Variants in HLA-DPA1 observed in about 807,000 individuals in gnomAD.
HLA-DPA1 encodes HLA class II histocompatibility antigen, DP alpha 1 chain.
In HLA-DPA1, 20 loss-of-function variants were observed where a neutral mutation model predicts 21.5. The observed-to-expected ratio is 0.93, with a 90% CI of 0.66 to 1.35. The LOEUF (loss-of-function observed/expected upper bound fraction) is 1.35, where lower values mean the gene tolerates loss of function less well. Ranked by LOEUF, HLA-DPA1 falls within the 40% of genes most tolerant of loss-of-function variation. The probability of loss-of-function intolerance (pLI) is 0.00; values close to 1 mark genes in which losing one functional copy is unlikely to be tolerated. For missense variants in HLA-DPA1, 279 were observed against 323.0 expected, an observed-to-expected ratio of 0.86 and a Z score of 1.05; for synonymous variants, 123 against 129.6, an observed-to-expected ratio of 0.95 and a Z score of 0.35.
chr6:33,073,354 G>C lies in HLA-DPA1; in HGVS notation c.100+117C>G, dbSNP rs1762374805. ...TATTATGAGGGCCAGAGGGAACATAGACTATGAGGACCAGATAGATCAATG... is the reference window on the plus strand; with the variant it reads ...TATTATGAGGGCCAGAGGGAACATACACTATGAGGACCAGATAGATCAATG... On this transcript the variant is annotated intron_variant, in intron 2 of 5. Coordinates refer to ENST00000419277, the Ensembl canonical transcript of HLA-DPA1. 4.7e-5 allele frequency: 33 copies of C among 701,630 alleles called. No homozygotes were observed. The South Asian group carries it at 5.2e-4, about 11-fold the overall frequency. 43.5% of individuals were successfully genotyped at this position (701,630 alleles called of 1,614,324 possible). A position where few individuals can be genotyped will look rare whatever the true frequency, so the allele number is the denominator to read the frequency against.
At chr6:33,068,416 C>A in intron 5 of HLA-DPA1, 1 of 464,786 alleles carries the variant, frequency 2.2e-6, no homozygotes, top group Admixed American at 3.7e-5. Flanking sequence ...AATAATAGTA[C>A]CTACCTCAAA....
At chr6:33,066,977 G>A (rs1450822007) in intron 5 of HLA-DPA1, 2 of 152,224 alleles carry the variant, frequency 1.3e-5, no homozygotes, top group South Asian at 2.1e-4. Context: ...GTTCAGATGA[G>A]TACAGCCATT....
intron 1 of HLA-DPA1, chr6:33,079,914 A>G (rs1397080103): frequency 3.8e-6 from 1 of 261,072 alleles, no homozygotes; most frequent in African/African-American, 2.3e-5. Context: ...CTGCCAAAAA[A>G]AATTACATCA....
intron 1 of HLA-DPA1, among the ~76,000 whole-genome samples, chr6:33,079,110 C>G (rs1762706229): frequency 1.3e-5 from 2 of 152,250 alleles, no homozygotes; most frequent in African/African-American, 4.8e-5. Flanking sequence ...TCTCCACTAT[C>G]CTCTGCCACC....
In HLA-DPA1 at chr6:33,080,294, C is replaced by G. The variant is rs12662112; in HGVS notation, c.-100+386G>C. ...CAGTCAGGGAGTTAAGTAGGGGGAG[C>G]AGCTCCGCCCTCCACGTCCCCAGCT... On this transcript the variant is annotated intron_variant, in intron 1 of 5. Coordinates refer to ENST00000419277, the Ensembl canonical transcript of HLA-DPA1. This position sits in a 1 kb window ranked among gnomAD's most constrained non-coding sequence, Gnocchi z 4.3. 14,261 of 400,356 alleles carry G rather than the reference C, an allele frequency of 0.036. 2,008 individuals are homozygous for G. The East Asian group carries it at 0.48, about 14-fold the overall frequency. The allele number at this position is 400,356 out of a possible 1,614,324, so 24.8% of individuals were successfully genotyped here.
At chr6:33,069,446 C>T (rs1205113997) in intron 3 of HLA-DPA1, 146 bp from the exon 3 acceptor site, 2 of 1,028,928 alleles carry the variant, frequency 1.9e-6, no homozygotes, top group Non-Finnish European at 2.9e-6. Flanking sequence ...CACTGACCAG[C>T]CTCACTCTGC....
At position 33,080,693 on chromosome 6, in the gene HLA-DPA1, G is replaced by T. The variant is rs41540313; in HGVS notation, c.-113C>A. 3.7e-6 allele frequency: 6 copies of T among 1,612,942 alleles called. No individual in the cohort carries two copies. The highest frequency in any genetic ancestry group is 1.3e-5 in the African/African-American group (1 of 75,028). On this transcript the variant is annotated 5_prime_UTR_variant, in exon 1 of 6. Coordinates refer to ENST00000419277, the Ensembl canonical transcript of HLA-DPA1. The surrounding 1 kb of genome is among the most constrained non-coding windows in gnomAD (Gnocchi z 4.3). ...GCAGAGAATTACCTTTTCCAGGGAC[G>T]GCAGGAATGCTACGCGTTTAATGGG...
intron 1 of HLA-DPA1, 175 bp from the exon 1 acceptor site, chr6:33,073,824 A>G: frequency 2.3e-6 from 1 of 442,408 alleles, no homozygotes; most frequent in Middle Eastern, 5.9e-4. Context: ...AGAGAGCTCC[A>G]GTTCACAGTT....
chr6:33,068,078 T>A (rs72870109), intron 5 of HLA-DPA1: 43,957 of 152,016 alleles, frequency 0.29, 8,404 homozygotes, highest in East Asian at 0.69. Flanking sequence ...GTAAGATCTC[T>A]GGAGGGGCAT....
In HLA-DPA1 at chr6:33,075,655, G is replaced by A. The variant is rs1180213569; in HGVS notation, c.-99-1986C>T. 3.6e-3 allele frequency among the ~76,000 whole-genome samples: 543 copies of A among 152,288 alleles called. 3 individuals are homozygous for A. The highest frequency in any genetic ancestry group is 0.026 in the East Asian group (133 of 5,186). ...ACCATGTCCTGTGGGTGTGTGAGGT[G>A]TGGCAGAATTGGGGAAATGATAATC... On this transcript the variant is annotated intron_variant, in intron 1 of 5. Coordinates refer to ENST00000419277, the Ensembl canonical transcript of HLA-DPA1.
intron 1 of HLA-DPA1, among the ~76,000 whole-genome samples, chr6:33,078,047 G>A (rs1378605248): frequency 6.6e-6 from 1 of 152,060 alleles, no homozygotes; most frequent in Non-Finnish European, 1.5e-5. Context: ...TCAGGAGGAA[G>A]TGACGGATGC....
At chr6:33,073,577 G>A (rs1383763117) in exon 2 of HLA-DPA1, 1 of 1,605,086 alleles carries the variant, frequency 6.2e-7, no homozygotes, top group Admixed American at 1.7e-5. Context: ...GCATGTTGTG[G>A]GGTCTATAAT....
At chr6:33,069,199 C>T (rs916743471) in exon 4 of HLA-DPA1, 12 of 1,612,806 alleles carry the variant, frequency 7.4e-6, no homozygotes, top group African/African-American at 4.0e-5. Flanking sequence ...AGCCACGTGA[C>T]GTTGAGCACT....
intron 1 of HLA-DPA1, among the ~76,000 whole-genome samples, chr6:33,075,142 A>AT (rs199715650): frequency 1.1e-4 from 17 of 151,894 alleles, no homozygotes; most frequent in Non-Finnish European, 2.2e-4. Flanking sequence ...GTCTTTGATG[A>AT]TTTTTTTTCA....
chr6:33,068,827 G>A (rs1762099654), intron 4 of HLA-DPA1, 23 bp from the exon 4 acceptor site: 2 of 1,610,346 alleles, frequency 1.2e-6, no homozygotes, highest in African/African-American at 1.3e-5. Flanking sequence ...TGAAGAGATA[G>A]GGTCAGGAGG....
intron 1 of HLA-DPA1, among the ~76,000 whole-genome samples, chr6:33,075,425 C>T (rs1246986644): frequency 1.3e-5 from 2 of 152,170 alleles, no homozygotes; most frequent in Non-Finnish European, 2.9e-5. Flanking sequence ...GTGGAAGAAC[C>T]TGGTAACTCC....
rs529645419 is a variant in HLA-DPA1 at position 33,072,522 on chromosome 6, T to C, written c.100+949A>G. ...GCCTATTGTGGTGTTTATTATAACA[T>C]AACATTAGAAATAACTCAGGTGACC... On this transcript the variant is annotated intron_variant, in intron 2 of 5. Transcript: ENST00000419277. Among the ~76,000 whole-genome samples, 6 of 152,308 alleles carry C rather than the reference T, an allele frequency of 3.9e-5. No individual in the cohort carries two copies. The East Asian group carries it at 9.6e-4, about 24-fold the overall frequency.
exon 2 of HLA-DPA1, chr6:33,073,602 A>G: frequency 2.0e-6 from 3 of 1,519,800 alleles, no homozygotes; most frequent in Non-Finnish European, 2.7e-6. Context: ...GACTGTGAGC[A>G]CAGGAACAGT....
rs527497051 is a variant in HLA-DPA1, at chr6:33,071,450, G to A, written c.101-1564C>T. Reference sequence around the variant, plus strand: ...GAATGTCCCTTGTACTTTTTAAAATGCTTTTTAAAAAACACTTTCACAAGT... The same window carrying A: ...GAATGTCCCTTGTACTTTTTAAAATACTTTTTAAAAAACACTTTCACAAGT... On this transcript the variant is annotated intron_variant, in intron 2 of 5. Coordinates refer to ENST00000419277, the Ensembl canonical transcript of HLA-DPA1. Among the ~76,000 whole-genome samples the A allele has an allele frequency of 3.4e-3, 511 of 152,172 alleles. 3 individuals are homozygous for A. The highest frequency in any genetic ancestry group is 0.024 in the East Asian group (126 of 5,168).
Sources: allele counts gnomAD v4.1 joint callset (sites outside exome capture counted in the v4.1 genomes callset), GRCh38; gene constraint gnomAD v4.1.1; non-coding constraint Gnocchi (gnomAD v3.1); transcripts MANE v1.5; gene names NCBI Gene and HGNC (gene_info 2026-07-23, HGNC 2026-07-21).